EPAS1: variants seen among roughly 807,000 people sequenced by gnomAD.
The protein encoded by EPAS1 is endothelial PAS domain protein 1, also known as endothelial PAS domain-containing protein 1.
EPAS1 carries 23 observed loss-of-function variants against 87.9 expected under a neutral mutation model. That is an observed-to-expected ratio of 0.26 (90% CI 0.19 to 0.37). The LOEUF is 0.37. Among genes scored for constraint, EPAS1 ranks in the 10% least tolerant of loss-of-function variants. The pLI is 1.00. For synonymous variants in EPAS1, 508 were observed against 444.3 expected (o/e 1.14, Z -1.80); for missense variants, 1,138 against 1,120.7 (o/e 1.02, Z -0.22).
chr2:46,383,222 G>A (rs1684941504), intron 15 of EPAS1, among the ~76,000 whole-genome samples: 1 of 152,172 alleles, frequency 6.6e-6, no homozygotes, highest in Admixed American at 6.5e-5. Context: ...GATGTGTTTT[G>A]GGGTGTCACT....
At chr2:46,317,273 A>T (rs748951369) in intron 1 of EPAS1, among the ~76,000 whole-genome samples, 7 of 152,204 alleles carry the variant, frequency 4.6e-5, no homozygotes, top group Non-Finnish European at 7.3e-5. Context: ...GGTGGTTTTC[A>T]ATTTACTTTG....
Position 46,350,219 on chromosome 2 carries a change from C to T in EPAS1, c.217+3156C>T, listed in dbSNP as rs151072052. On this transcript the variant is annotated intron_variant, in intron 2 of 15. Transcript: ENST00000263734. ...AGCAATTTCTATCAAAATGCAGAGT[C>T]GTCAAACTTTTCCAAGGCAAAACAA... Among the ~76,000 whole-genome samples, 988 of 152,298 alleles carry T rather than the reference C, an allele frequency of 6.5e-3. 14 individuals are homozygous for T. The highest frequency in any genetic ancestry group is 6.1e-3 in the Non-Finnish European group (416 of 68,038).
In EPAS1 at chr2:46,345,503, G is replaced by A. The variant is rs535080869; in HGVS notation, c.27-1370G>A. 1.1e-4 allele frequency among the ~76,000 whole-genome samples: 16 copies of A among 152,186 alleles called. 2 individuals carry two copies. The highest frequency in any genetic ancestry group is 6.8e-3 in the Middle Eastern group (2 of 294). ...GGCCCACCTTCCCAGTGCAAAGCCC[G>A]ACTTCCCCATTTACCTGCTGGAGGC... On this transcript the variant is annotated intron_variant, in intron 1 of 15. Transcript: ENST00000263734.
intron 15 of EPAS1, 102 bp from the exon 16 acceptor site, chr2:46,384,407 A>AT (rs1208662176): frequency 1.3e-6 from 2 of 1,531,744 alleles, no homozygotes; most frequent in African/African-American, 2.7e-5. Flanking sequence ...AGCAGAGTGA[A>AT]ATTAGGGCTG....
intron 1 of EPAS1, among the ~76,000 whole-genome samples, chr2:46,307,464 T>A (rs949921242): frequency 1.3e-5 from 2 of 152,190 alleles, no homozygotes; most frequent in African/African-American, 4.8e-5. Flanking sequence ...CGGGAGTCTG[T>A]CTTTTATTCT....
At chr2:46,302,118 C>CTGTGTGTGTG (rs35880089) in intron 1 of EPAS1, among the ~76,000 whole-genome samples, 128 of 127,642 alleles carry the variant, frequency 1.0e-3, no homozygotes, top group Middle Eastern at 3.7e-3. Context: ...CTCTTTCTCT[C>CTGTGTGTGTG]TGTGTGTGTG....
chr2:46,323,154 G>A (rs1368342579), intron 1 of EPAS1, among the ~76,000 whole-genome samples: 1 of 152,184 alleles, frequency 6.6e-6, no homozygotes, highest in Non-Finnish European at 1.5e-5. Context: ...AGGCAACACA[G>A]GGCCGTTACC....
rs372115389 is a variant in EPAS1 at position 46,352,737 on chromosome 2, G to A, written c.218-3414G>A. Among the ~76,000 whole-genome samples the A allele has an allele frequency of 2.7e-3, 405 of 152,284 alleles. 2 individuals are homozygous for A. Among genetic ancestry groups the A allele is most frequent in the Non-Finnish European group, 4.9e-3 (334 of 68,028 alleles). On this transcript the variant is annotated intron_variant, in intron 2 of 15. Transcript: ENST00000263734. ...CCACAGAGGGAAGAGACCCTGTCCC[G>A]GCCCTGCCGTCACAGGGTCCCTGGG...
intron 1 of EPAS1, among the ~76,000 whole-genome samples, chr2:46,313,275 A>C (rs1683248894): frequency 6.6e-6 from 1 of 152,068 alleles, no homozygotes; most frequent in Non-Finnish European, 1.5e-5. Flanking sequence ...CTAATGCCTA[A>C]GCTTGCTCAT....
intron 1 of EPAS1, among the ~76,000 whole-genome samples, chr2:46,323,435 T>C (rs926114089): frequency 6.6e-6 from 1 of 152,260 alleles, no homozygotes; most frequent in Non-Finnish European, 1.5e-5. Flanking sequence ...ATTATGTTTT[T>C]ATATATCTTG....
At chr2:46,349,180 C>T (rs1684093894) in intron 2 of EPAS1, among the ~76,000 whole-genome samples, 1 of 152,180 alleles carries the variant, frequency 6.6e-6, no homozygotes, top group Admixed American at 6.5e-5. Context: ...TCAACAGAAG[C>T]AGCTGGGGGC....
chr2:46,375,547 A>G lies in EPAS1; in HGVS notation c.887-143A>G. 1.0e-6 allele frequency: 1 copy of G among 962,478 alleles called. No individual in the cohort carries two copies. The highest frequency in any genetic ancestry group is 2.0e-5 in the Admixed American group (1 of 48,886). 59.6% of individuals were successfully genotyped at this position (962,478 alleles called of 1,614,324 possible). On this transcript the variant is annotated intron_variant, in intron 7 of 15. Transcript: ENST00000263734. The surrounding 1 kb of genome is among the most constrained non-coding windows in gnomAD (Gnocchi z 4.1). ...TGATCCCTAAGCTCCCTCCCAGGTCACTCTCCCTGGTCCTCACTGTCGTGG... is the reference window on the plus strand; with the variant it reads ...TGATCCCTAAGCTCCCTCCCAGGTCGCTCTCCCTGGTCCTCACTGTCGTGG...
At chr2:46,352,756 C>CCCTGGGG (rs1684195479) in intron 2 of EPAS1, among the ~76,000 whole-genome samples, 1 of 152,208 alleles carries the variant, frequency 6.6e-6, no homozygotes, top group Non-Finnish European at 1.5e-5. Context: ...GTCACAGGGT[C>CCCTGGGG]CCTGGGGCCA....
chr2:46,384,183 G>A (rs971628018), intron 15 of EPAS1, among the ~76,000 whole-genome samples: 2 of 152,212 alleles, frequency 1.3e-5, no homozygotes, highest in East Asian at 3.8e-4. Flanking sequence ...TGTGAGCATA[G>A]GTGCCAGGTG....
chr2:46,349,816 C>T (rs1397136868), intron 2 of EPAS1, among the ~76,000 whole-genome samples: 2 of 152,162 alleles, frequency 1.3e-5, no homozygotes, highest in African/African-American at 2.4e-5. Flanking sequence ...CTTTCTAAAT[C>T]GTATTTTGCT....
At chr2:46,377,211 A>C (rs1181856798) in intron 9 of EPAS1, among the ~76,000 whole-genome samples, 3 of 152,154 alleles carry the variant, frequency 2.0e-5, no homozygotes, top group Non-Finnish European at 2.9e-5. Flanking sequence ...AACACAGAGA[A>C]CATATTGAGG....
chr2:46,375,029 G>T lies in EPAS1; in HGVS notation c.887-661G>T, dbSNP rs1257483655. ...CTTTCTCAGCCCCAACTGAGAAAGG[G>T]TGGGGTGGTTTGCCTCTGCCTTTGC... On this transcript the variant is annotated intron_variant, in intron 7 of 15. Coordinates refer to ENST00000263734, the MANE Select transcript of EPAS1 (RefSeq NM_001430.5). This position sits in a 1 kb window ranked among gnomAD's most constrained non-coding sequence, Gnocchi z 4.1. Among the ~76,000 whole-genome samples the T allele has an allele frequency of 6.6e-6, 1 of 152,164 alleles. No individual in the cohort carries two copies. Among genetic ancestry groups the T allele is most frequent in the Non-Finnish European group, 1.5e-5 (1 of 68,026 alleles).
chr2:46,321,166 G>C (rs909205022), intron 1 of EPAS1, among the ~76,000 whole-genome samples: 3 of 152,124 alleles, frequency 2.0e-5, no homozygotes, highest in African/African-American at 7.2e-5. Flanking sequence ...ATTTCACTTA[G>C]CATAATGTTT....
At chr2:46,364,064 T>C (rs1684455663) in intron 6 of EPAS1, among the ~76,000 whole-genome samples, 1 of 152,170 alleles carries the variant, frequency 6.6e-6, no homozygotes, top group Non-Finnish European at 1.5e-5. Flanking sequence ...CTCTTTGTGG[T>C]GGGATGGGGA....
Sources: gnomAD v4.1 joint callset for allele counts (sites outside exome capture counted in the v4.1 genomes callset) on GRCh38, gnomAD v4.1.1 for gene constraint, Gnocchi (gnomAD v3.1) non-coding constraint, MANE v1.5 for transcripts, NCBI Gene and HGNC (gene_info 2026-07-23, HGNC 2026-07-21) for gene names.